The following LARGE1 variants were observed in gnomAD, a reference collection of about 807,000 sequenced individuals.
The protein encoded by LARGE1 is LARGE xylosyl- and glucuronyltransferase 1, also known as xylosyl- and glucuronyltransferase LARGE1.
LARGE1 carries 43 observed loss-of-function variants against 87.6 expected under a neutral mutation model. That is an observed-to-expected ratio of 0.49 (90% CI 0.38 to 0.63). The LOEUF (loss-of-function observed/expected upper bound fraction) is 0.63. Ranked by LOEUF, LARGE1 falls within the 30% of genes least tolerant of loss-of-function variation. LARGE1 has a pLI of 0.00. For synonymous variants in LARGE1, 434 were observed against 394.6 expected (o/e 1.10, Z -1.18); for missense variants, 802 against 1,000.2 (o/e 0.80, Z 2.67).
At chr22:33,208,294 T>G (rs1254483503) in intron 11 of LARGE1, among the ~76,000 whole-genome samples, 3 of 152,208 alleles carry the variant, frequency 2.0e-5, no homozygotes, top group African/African-American at 7.2e-5. Flanking sequence ...CTCTCTGTGT[T>G]TTCTCTTCCA....
At chr22:33,213,682 A>G (rs1332623075) in intron 11 of LARGE1, among the ~76,000 whole-genome samples, 1 of 152,248 alleles carries the variant, frequency 6.6e-6, no homozygotes, top group African/African-American at 2.4e-5. Flanking sequence ...AATTTAAAGT[A>G]TATGTAAATT....
At chr22:33,727,388 T>C (rs1371153678) in intron 2 of LARGE1, 2 of 152,214 alleles carry the variant, frequency 1.3e-5, no homozygotes, top group East Asian at 1.9e-4. Flanking sequence ...CTCTTGTATA[T>C]ATCGCAATGA....
At chr22:33,489,740 G>A (rs770305888) in intron 6 of LARGE1, among the ~76,000 whole-genome samples, 24 of 152,030 alleles carry the variant, frequency 1.6e-4, no homozygotes, top group African/African-American at 3.4e-4. Context: ...CGGGTGTGTC[G>A]TTATCAGCAG....
chr22:33,472,051 A>G (rs2068864726), intron 6 of LARGE1, among the ~76,000 whole-genome samples: 1 of 151,468 alleles, frequency 6.6e-6, no homozygotes, highest in Admixed American at 6.6e-5. Context: ...CTCTGACTCA[A>G]AAAAAAAGAG....
intron 12 of LARGE1, among the ~76,000 whole-genome samples, chr22:33,283,851 A>G (rs1485421901): frequency 6.6e-6 from 1 of 151,730 alleles, no homozygotes; most frequent in East Asian, 1.9e-4. Flanking sequence ...GAAAAGAAAG[A>G]AAAAGTAAAG....
At chr22:33,299,282 G>GAGAA (rs1933817825) in intron 12 of LARGE1, among the ~76,000 whole-genome samples, 1 of 150,544 alleles carries the variant, frequency 6.6e-6, no homozygotes, top group Non-Finnish European at 1.5e-5. Flanking sequence ...GAAAGAGAGA[G>GAGAA]AGAAAGAAAG....
At chr22:33,858,159 A>G (rs1041673680) in intron 1 of LARGE1, among the ~76,000 whole-genome samples, 1 of 152,184 alleles carries the variant, frequency 6.6e-6, no homozygotes, top group Non-Finnish European at 1.5e-5. Flanking sequence ...CCAGGCACGT[A>G]GCTGTGCAGG....
intron 2 of LARGE1, among the ~76,000 whole-genome samples, chr22:33,690,965 C>A (rs2082082205): frequency 6.6e-6 from 1 of 152,166 alleles, no homozygotes; most frequent in Non-Finnish European, 1.5e-5. Flanking sequence ...TGCCATGGCG[C>A]CTCCACAACA....
intron 2 of LARGE1, among the ~76,000 whole-genome samples, chr22:33,671,559 T>C (rs565068658): frequency 6.6e-6 from 1 of 152,322 alleles, no homozygotes; most frequent in Admixed American, 6.5e-5. Flanking sequence ...CCAAAGCTTA[T>C]GCTAGATAGA....
At chr22:33,799,219 G>A (rs1262111330) in intron 1 of LARGE1, among the ~76,000 whole-genome samples, 1 of 152,060 alleles carries the variant, frequency 6.6e-6, no homozygotes, top group Non-Finnish European at 1.5e-5. Flanking sequence ...AATCCCGTGG[G>A]TAGGATGCGA....
chr22:33,691,727 C>T (rs2082105540), intron 2 of LARGE1, among the ~76,000 whole-genome samples: 1 of 152,202 alleles, frequency 6.6e-6, no homozygotes, highest in African/African-American at 2.4e-5. Flanking sequence ...AACAATTAGC[C>T]TCTTCCTACC....
At chr22:33,274,658 A>G (rs549633267) in intron 14 of LARGE1, 34 bp from the exon 15 acceptor site, 1 of 1,594,410 alleles carries the variant, frequency 6.3e-7, no homozygotes, top group Non-Finnish European at 8.6e-7. Flanking sequence ...GAGAACCCGC[A>G]AGAGCCGAGG....
chr22:33,523,518 A>T (rs1260501903), intron 6 of LARGE1, among the ~76,000 whole-genome samples: 1 of 152,202 alleles, frequency 6.6e-6, no homozygotes, highest in Non-Finnish European at 1.5e-5. Flanking sequence ...TGTCTGTGAC[A>T]TGAATCGCAA....
intron 1 of LARGE1, among the ~76,000 whole-genome samples, chr22:33,774,860 A>G (rs549663175): frequency 1.3e-5 from 2 of 152,208 alleles, no homozygotes; most frequent in Admixed American, 6.5e-5. Context: ...CACATGGGCT[A>G]GTGGCCACCG....
At chr22:33,462,264 G>A (rs1265496792) in intron 6 of LARGE1, among the ~76,000 whole-genome samples, 2 of 152,124 alleles carry the variant, frequency 1.3e-5, no homozygotes, top group Admixed American at 6.5e-5. Flanking sequence ...GAAAATAAGT[G>A]TCAACCAAGA....
intron 11 of LARGE1, among the ~76,000 whole-genome samples, chr22:33,207,497 A>T (rs957595697): frequency 1.3e-5 from 2 of 152,064 alleles, no homozygotes; most frequent in African/African-American, 4.8e-5. Context: ...AAAATACCTT[A>T]TTGCTATGGT....
intron 6 of LARGE1, among the ~76,000 whole-genome samples, chr22:33,483,245 T>C (rs1006823411): frequency 1.3e-5 from 2 of 152,164 alleles, no homozygotes; most frequent in African/African-American, 4.8e-5. Context: ...GAGAAGGTCA[T>C]ATTCAGAGGA....
chr22:33,863,567 C>T (rs1187874656), intron 1 of LARGE1, among the ~76,000 whole-genome samples: 1 of 150,928 alleles, frequency 6.6e-6, no homozygotes, highest in Non-Finnish European at 1.5e-5. Flanking sequence ...ACCAGCCTGA[C>T]CAACATGGTG....
At chr22:33,671,702 T>C (rs549757646) in intron 2 of LARGE1, among the ~76,000 whole-genome samples, 8 of 152,382 alleles carry the variant, frequency 5.2e-5, no homozygotes, top group African/African-American at 1.9e-4. Flanking sequence ...TATGTTGTCC[T>C]TTCTCTTAAG....
Sources: allele counts gnomAD v4.1 joint callset (sites outside exome capture counted in the v4.1 genomes callset), GRCh38; gene constraint gnomAD v4.1.1; transcripts MANE v1.5; gene names NCBI Gene and HGNC (gene_info 2026-07-23, HGNC 2026-07-21).